The following TXNRD3 variants were observed in gnomAD, a reference collection of about 807,000 sequenced individuals.
TXNRD3 encodes the protein TXNRD3 neighbor gene protein.
TXNRD3 carries 68 observed loss-of-function variants against 78.2 expected under a neutral mutation model. The observed-to-expected ratio is 0.87, with a 90% CI of 0.72 to 1.06. The LOEUF (loss-of-function observed/expected upper bound fraction) is 1.06. Among genes scored for constraint, TXNRD3 ranks in the 50% least tolerant of loss-of-function variants. The probability of loss-of-function intolerance (pLI) is 0.00; values close to 1 mark genes in which losing one functional copy is unlikely to be tolerated. For missense variants in TXNRD3, 751 were observed against 809.5 expected (o/e 0.93, Z 0.88); for synonymous variants, 296 against 300.1 (o/e 0.99, Z 0.14).
intron 14 of TXNRD3, 118 bp from the exon 15 acceptor site, chr3:126,608,751 A>G (rs1938122881): frequency 8.6e-7 from 1 of 1,161,652 alleles, no homozygotes; most frequent in Non-Finnish European, 1.1e-6. Flanking sequence ...AAGAACTTCA[A>G]TGTCAAAGTG....
intron 14 of TXNRD3, among the ~76,000 whole-genome samples, chr3:126,610,439 C>A (rs182415057): frequency 6.6e-6 from 1 of 152,272 alleles, no homozygotes; most frequent in African/African-American, 2.4e-5. Context: ...AGGCTATTAA[C>A]CATTTTCATG....
intron 14 of TXNRD3, chr3:126,609,175 C>G (rs114883784): frequency 4.5e-6 from 2 of 444,354 alleles, no homozygotes; most frequent in Non-Finnish European, 9.1e-6. Context: ...TCGTTTTCCA[C>G]GGTAACGGTG....
chr3:126,609,128 T>C, intron 14 of TXNRD3: 1 of 443,848 alleles, frequency 2.3e-6, no homozygotes, highest in South Asian at 1.6e-5. Context: ...GTGCAGGCAA[T>C]GAGCTGACCC....
In TXNRD3 at chr3:126,653,837, T is replaced by C. The variant is rs548055079; in HGVS notation, c.243+911A>G. On this transcript the variant is annotated intron_variant, in intron 1 of 15. Transcript: ENST00000524230. Reference sequence around the variant, plus strand: ...CTCCGGTACGATTCATCCCAGGGAATAGTCAGCAACGAAAATTAATGAACC... The same window carrying C: ...CTCCGGTACGATTCATCCCAGGGAACAGTCAGCAACGAAAATTAATGAACC... Among the ~76,000 whole-genome samples, 11 of 152,290 alleles carry C rather than the reference T, an allele frequency of 7.2e-5. No homozygotes were observed. The South Asian group carries it at 1.7e-3, about 23-fold the overall frequency.
intron 5 of TXNRD3, 44 bp downstream of exon 5, chr3:126,643,937 C>T (rs1933155904): frequency 1.4e-6 from 2 of 1,478,184 alleles, no homozygotes; most frequent in East Asian, 2.5e-5. Context: ...AAGCAAACAA[C>T]ATATGTAAAG....
chr3:126,628,749 T>C (rs1407495255), intron 10 of TXNRD3, among the ~76,000 whole-genome samples: 1 of 152,106 alleles, frequency 6.6e-6, no homozygotes, highest in Non-Finnish European at 1.5e-5. Flanking sequence ...TGTTTCCAAA[T>C]TTTCCTATAT....
intron 13 of TXNRD3, among the ~76,000 whole-genome samples, chr3:126,614,462 T>C (rs1328531160): frequency 1.3e-5 from 2 of 152,160 alleles, no homozygotes; most frequent in African/African-American, 4.8e-5. Context: ...AAATCCATAA[T>C]TACTATCATC....
intron 5 of TXNRD3, among the ~76,000 whole-genome samples, chr3:126,642,395 T>C (rs971585035): frequency 6.6e-6 from 1 of 152,176 alleles, no homozygotes; most frequent in Non-Finnish European, 1.5e-5. Flanking sequence ...TCCAAAACTT[T>C]CACTTCAGTC....
intron 1 of TXNRD3, among the ~76,000 whole-genome samples, chr3:126,647,661 C>A (rs1034016734): frequency 1.3e-5 from 2 of 152,266 alleles, no homozygotes; most frequent in African/African-American, 2.4e-5. Flanking sequence ...AAGACCCCAT[C>A]TCTACAAAAA....
At chr3:126,646,529 C>T (rs919578827) in intron 2 of TXNRD3, among the ~76,000 whole-genome samples, 3 of 152,152 alleles carry the variant, frequency 2.0e-5, no homozygotes, top group East Asian at 1.9e-4. Context: ...AAGATAAAAT[C>T]GCTGTAACAA....
Position 126,621,794 on chromosome 3 carries a change from A to T in TXNRD3, c.1472T>A (p.Ile491Lys). ...CTGAGCTAGCAGCTTGCCTGACTGT[A>T]TGGCGACAGGAGTGAGCTCTGGCTT... Residue 491 changes from isoleucine to lysine, a missense_variant, in exon 12 of 16, where the codon ATA (isoleucine) becomes AAA (lysine). Coordinates refer to ENST00000524230, the MANE Select transcript of TXNRD3 (RefSeq NM_052883.3). 6.5e-7 allele frequency: 1 copy of T among 1,533,996 alleles called. No homozygotes were observed. Among genetic ancestry groups the T allele is most frequent in the African/African-American group, 1.4e-5 (1 of 72,978 alleles).
intron 6 of TXNRD3, among the ~76,000 whole-genome samples, chr3:126,638,610 T>A (rs530955361): frequency 6.6e-6 from 1 of 152,164 alleles, no homozygotes; most frequent in African/African-American, 2.4e-5. Flanking sequence ...GGTGTGCACC[T>A]ATAATCCAAG....
Position 126,621,918 on chromosome 3 carries a change from G to T in TXNRD3, c.1368-20C>A. On this transcript the variant is annotated intron_variant, in intron 11 of 15. Coordinates refer to ENST00000524230, the MANE Select transcript of TXNRD3 (RefSeq NM_052883.3). ...CCACTCCTATTAGTTTTTGAAATGG[G>T]AAAAAATATATATTACAACTCACTC... 1 of 1,479,686 alleles carries T rather than the reference G, an allele frequency of 6.8e-7. No homozygotes were observed. Among genetic ancestry groups the T allele is most frequent in the Non-Finnish European group, 8.9e-7 (1 of 1,122,214 alleles). 91.7% of individuals were successfully genotyped at this position (1,479,686 alleles called of 1,614,324 possible). A position where few individuals can be genotyped will look rare whatever the true frequency, so the allele number is the denominator to read the frequency against.
chr3:126,613,385 C>G (rs1290333951), intron 13 of TXNRD3, among the ~76,000 whole-genome samples: 1 of 152,212 alleles, frequency 6.6e-6, no homozygotes, highest in South Asian at 2.1e-4. Flanking sequence ...TACAGTTATA[C>G]TCTTAGCTAC....
At chr3:126,610,609 T>C (rs1300131141) in intron 14 of TXNRD3, among the ~76,000 whole-genome samples, 1 of 152,214 alleles carries the variant, frequency 6.6e-6, no homozygotes, top group Non-Finnish European at 1.5e-5. Context: ...AATGCATACA[T>C]ACAACTTATT....
intron 1 of TXNRD3, among the ~76,000 whole-genome samples, chr3:126,654,172 T>C (rs1933454536): frequency 6.6e-6 from 1 of 152,198 alleles, no homozygotes; most frequent in African/African-American, 2.4e-5. Flanking sequence ...TACACATCAA[T>C]GTAAACTTCA....
chr3:126,653,210 T>C (rs757599039), intron 1 of TXNRD3, among the ~76,000 whole-genome samples: 18 of 152,264 alleles, frequency 1.2e-4, no homozygotes, highest in Middle Eastern at 3.2e-3. Context: ...CTCTTATTTC[T>C]ATCGATTAGC....
intron 10 of TXNRD3, among the ~76,000 whole-genome samples, chr3:126,628,613 C>T (rs1428320961): frequency 6.6e-6 from 1 of 151,958 alleles, no homozygotes; most frequent in African/African-American, 2.4e-5. Flanking sequence ...ATAAATCTAA[C>T]AGATATTCTT....
At position 126,631,758 on chromosome 3, in the gene TXNRD3, C is replaced by A. The variant is rs2107619209; in HGVS notation, c.971+6G>T. 1.3e-6 allele frequency: 2 copies of A among 1,492,586 alleles called. No homozygotes were observed. 92.5% of individuals were successfully genotyped at this position (1,492,586 alleles called of 1,614,324 possible). ...ATTAAAGTTAAAATAGTCTATTTAA[C>A]CTTACCTAGTAATACAGTATTCTTT... On this transcript the variant is annotated splice_donor_region_variant and intron_variant, in intron 8 of 15. Coordinates refer to ENST00000524230, the MANE Select transcript of TXNRD3 (RefSeq NM_052883.3).
Sources: gnomAD v4.1 joint callset for allele counts (sites outside exome capture counted in the v4.1 genomes callset) on GRCh38, gnomAD v4.1.1 for gene constraint, MANE v1.5 for transcripts, NCBI Gene and HGNC (gene_info 2026-07-23, HGNC 2026-07-21) for gene names.